PROM1: variants seen among roughly 807,000 people sequenced by gnomAD.
PROM1 encodes prominin 1, also known as prominin-1.
A neutral mutation model predicts 116.9 loss-of-function variants in PROM1; 105 were observed. That is an observed-to-expected ratio of 0.90 (90% confidence interval 0.77 to 1.06). The LOEUF is 1.06. Among genes scored for constraint, PROM1 ranks in the 50% least tolerant of loss-of-function variants. The probability of loss-of-function intolerance (pLI) is 0.00; values close to 1 mark genes in which losing one functional copy is unlikely to be tolerated. For missense variants in PROM1, 1,122 were observed against 1,045.2 expected (o/e 1.07, Z -1.01); for synonymous variants, 393 against 387.0 (o/e 1.02, Z -0.18).
intron 2 of PROM1, among the ~76,000 whole-genome samples, chr4:16,069,289 G>C (rs1175552991): frequency 1.3e-5 from 2 of 152,112 alleles, no homozygotes; most frequent in African/African-American, 4.8e-5. Flanking sequence ...TAATTTTAGA[G>C]AATTTATAGG....
chr4:16,075,155 G>C (rs1743680503), intron 2 of PROM1, among the ~76,000 whole-genome samples: 1 of 152,130 alleles, frequency 6.6e-6, no homozygotes, highest in East Asian at 1.9e-4. Context: ...TCTGGAAAGT[G>C]CCAATCCTCT....
rs868818141 is a variant in PROM1, at chr4:15,989,093, G to A, written c.2076+639C>T. ...CTGAGGTCAGGTCCTTCATTTCCATGAACAGGTAAGAGCAAGGCAGTTATT... is the reference window on the plus strand; with the variant it reads ...CTGAGGTCAGGTCCTTCATTTCCATAAACAGGTAAGAGCAAGGCAGTTATT... On this transcript the variant is annotated intron_variant, in intron 19 of 27. Transcript: ENST00000447510. 2.6e-5 allele frequency among the ~76,000 whole-genome samples: 4 copies of A among 152,196 alleles called. No individual in the cohort carries two copies. In the South Asian group the frequency reaches 8.3e-4, roughly 32 times the overall value.
intron 9 of PROM1, among the ~76,000 whole-genome samples, chr4:16,017,858 T>C (rs964544991): frequency 6.6e-6 from 1 of 152,208 alleles, no homozygotes; most frequent in African/African-American, 2.4e-5. Context: ...ACTAAATCAG[T>C]TAGACATCAT....
intron 5 of PROM1, among the ~76,000 whole-genome samples, chr4:16,027,935 C>T (rs541909003): frequency 1.3e-5 from 2 of 152,264 alleles, no homozygotes; most frequent in South Asian, 2.1e-4. Flanking sequence ...CTACAACACT[C>T]GATTTCAATG....
chr4:15,973,771 C>T (rs1715302459), intron 26 of PROM1, among the ~76,000 whole-genome samples: 1 of 152,088 alleles, frequency 6.6e-6, no homozygotes, highest in African/African-American at 2.4e-5. Context: ...TGCCCACCTG[C>T]CTTTGGGAGA....
intron 16 of PROM1, among the ~76,000 whole-genome samples, chr4:15,993,158 A>G (rs889440494): frequency 6.6e-6 from 1 of 152,242 alleles, no homozygotes; most frequent in African/African-American, 2.4e-5. Flanking sequence ...CACATTTGAA[A>G]ACCATCAAGC....
At chr4:15,982,859 C>T (rs1718324506) in intron 23 of PROM1, among the ~76,000 whole-genome samples, 1 of 152,128 alleles carries the variant, frequency 6.6e-6, no homozygotes, top group African/African-American at 2.4e-5. Context: ...GTGGTTGGGT[C>T]GGAGGCAGAA....
intron 2 of PROM1, among the ~76,000 whole-genome samples, chr4:16,056,010 T>C (rs1038680830): frequency 1.3e-5 from 2 of 152,106 alleles, no homozygotes; most frequent in African/African-American, 4.8e-5. Flanking sequence ...GTAAGGTCTC[T>C]AGCTGGCAGA....
At position 15,992,472 on chromosome 4, in the gene PROM1, G is replaced by A. The variant is rs986991881; in HGVS notation, c.1768-81C>T. Reference sequence around the variant, plus strand: ...CAAATGCTTTAAAAGAGCAATAAAAGCTGGATGTGGTGGCTCATGCCTGCA... The same window carrying A: ...CAAATGCTTTAAAAGAGCAATAAAAACTGGATGTGGTGGCTCATGCCTGCA... On this transcript the variant is annotated intron_variant, in intron 16 of 27. Transcript: ENST00000447510. 5.5e-6 allele frequency: 8 copies of A among 1,467,538 alleles called. No individual in the cohort carries two copies. The African/African-American group carries it at 1.1e-4, about 21-fold the overall frequency. The allele number at this position is 1,467,538 out of a possible 1,614,324, so 90.9% of individuals were successfully genotyped here.
intron 13 of PROM1, among the ~76,000 whole-genome samples, chr4:16,005,001 G>T (rs1241175790): frequency 1.6e-5 from 2 of 123,256 alleles, no homozygotes; most frequent in African/African-American, 6.2e-5. Context: ...TCACTCTGTC[G>T]CCCAGGTTGG....
intron 1 of PROM1, 169 bp from the exon 2 acceptor site, chr4:16,076,287 T>A: frequency 5.2e-6 from 1 of 190,484 alleles, no homozygotes; most frequent in Non-Finnish European, 1.1e-5. Context: ...GGGCAGGTGC[T>A]GGCATCAAAG....
At chr4:16,036,954 G>T (rs1198696057) in intron 3 of PROM1, among the ~76,000 whole-genome samples, 3 of 152,174 alleles carry the variant, frequency 2.0e-5, no homozygotes, top group Non-Finnish European at 4.4e-5. Context: ...CCCCCACCCA[G>T]AGTTTTTATT....
At chr4:16,006,771 G>T in intron 12 of PROM1, 81 bp from the exon 13 acceptor site, 1 of 1,394,684 alleles carries the variant, frequency 7.2e-7, no homozygotes, top group Non-Finnish European at 9.9e-7. Flanking sequence ...TAAGGCTGGA[G>T]CCGATGAGTT....
rs73230285 is a variant in PROM1 at position 15,990,843 on chromosome 4, A to T, written c.1983+379T>A. 2.3e-3 allele frequency among the ~76,000 whole-genome samples: 349 copies of T among 152,340 alleles called. 5 individuals are homozygous for T. The highest frequency in any genetic ancestry group is 4.1e-3 in the Non-Finnish European group (280 of 68,034). On this transcript the variant is annotated intron_variant, in intron 18 of 27. Coordinates refer to ENST00000447510, the MANE Select transcript of PROM1 (RefSeq NM_006017.3). ...GCTATTTCTGAACAACCTGCCACTT[A>T]ATTAGCATTCCATTGAAAGCGGTTA...
At chr4:16,057,819 C>G (rs956585905) in intron 2 of PROM1, among the ~76,000 whole-genome samples, 15 of 152,190 alleles carry the variant, frequency 9.9e-5, no homozygotes, top group African/African-American at 3.6e-4. Context: ...AAAGCAAGCC[C>G]GGGGACCTAA....
intron 10 of PROM1, among the ~76,000 whole-genome samples, chr4:16,014,215 G>A (rs551089008): frequency 2.9e-4 from 44 of 152,212 alleles, no homozygotes; most frequent in Admixed American, 6.5e-4. Flanking sequence ...GACTTATGGT[G>A]CCAGCCAGTT....
At chr4:16,067,150 T>A (rs1741725454) in intron 2 of PROM1, among the ~76,000 whole-genome samples, 1 of 151,990 alleles carries the variant, frequency 6.6e-6, no homozygotes, top group Non-Finnish European at 1.5e-5. Flanking sequence ...ATACAACAGA[T>A]CTCCTCCTCC....
At position 16,041,639 on chromosome 4, in the gene PROM1, A is replaced by G. The variant is rs533396662; in HGVS notation, c.221-2638T>C. On this transcript the variant is annotated intron_variant, in intron 2 of 27. Transcript: ENST00000447510. ...ACATTAGTCAAGTGTGGGGGCATGC[A>G]CCTGTAGTGGGAGGCTGAAGTAGGA... Among the ~76,000 whole-genome samples, 106 of 151,978 alleles carry G rather than the reference A, an allele frequency of 7.0e-4. 2 individuals carry two copies. Among genetic ancestry groups the G allele is most frequent in the African/African-American group, 2.4e-3 (100 of 41,460 alleles).
chr4:16,044,531 A>T (rs1736067542), intron 2 of PROM1, among the ~76,000 whole-genome samples: 1 of 152,190 alleles, frequency 6.6e-6, no homozygotes, highest in Non-Finnish European at 1.5e-5. Context: ...CCCATCTTAA[A>T]CACACATAGT....
Sources: gnomAD v4.1 joint callset for allele counts (sites outside exome capture counted in the v4.1 genomes callset) on GRCh38, gnomAD v4.1.1 for gene constraint, MANE v1.5 for transcripts, NCBI Gene and HGNC (gene_info 2026-07-23, HGNC 2026-07-21) for gene names.